Variants in MAMSTR observed in about 807,000 individuals in gnomAD.
The protein encoded by MAMSTR is MEF2-activating motif and SAP domain-containing transcriptional regulator.
Under a neutral mutation model 42.7 loss-of-function variants are expected in MAMSTR, and 41 were observed. That is an observed-to-expected ratio of 0.96 (90% CI 0.75 to 1.25). MAMSTR has a LOEUF of 1.25. MAMSTR is among the 50% of genes most tolerant of loss of function. The pLI is 0.00. For missense variants in MAMSTR, 567 were observed against 557.6 expected (o/e 1.02, Z -0.17); for synonymous variants, 265 against 244.1 (o/e 1.09, Z -0.80).
chr19:48,709,699 C>T (rs1209533176), downstream of MAMSTR, among the ~76,000 whole-genome samples: 6 of 152,164 alleles, frequency 3.9e-5, no homozygotes, highest in Non-Finnish European at 1.5e-5. Flanking sequence ...TGTAAACCAG[C>T]CAATCCAGAG....
rs1402372236 is a variant in MAMSTR at position 48,716,708 on chromosome 19, G to C, written c.94C>G (p.Gln32Glu). 3 of 1,336,726 alleles carry C rather than the reference G, an allele frequency of 2.2e-6. No homozygotes were observed. Among genetic ancestry groups the C allele is most frequent in the African/African-American group, 1.5e-5 (1 of 65,376 alleles). 82.8% of individuals were successfully genotyped at this position (1,336,726 alleles called of 1,614,324 possible). A position where few individuals can be genotyped will look rare whatever the true frequency, so the allele number is the denominator to read the frequency against. ...CCCTTTTGGGGCCCATACTTACTCTGCTCCTGATTCCGTCTGTGGATCCGA... is the reference window on the plus strand; with the variant it reads ...CCCTTTTGGGGCCCATACTTACTCTCCTCCTGATTCCGTCTGTGGATCCGA... ...QLRIHRRNQE[Q>E]ISDPDPWISA... is the part of the protein sequence containing the mutation. The change falls in exon 3 of 10, where the codon CAG becomes GAG. Residue 32 changes from glutamine to glutamate, a missense_variant. By Grantham distance (29) the Gln-to-Glu change is conservative. Transcript: ENST00000318083.
chr19:48,713,160 A>G lies in MAMSTR; in HGVS notation c.*107T>C. 1.7e-6 allele frequency: 2 copies of G among 1,144,088 alleles called. No homozygotes were observed. Among genetic ancestry groups the G allele is most frequent in the South Asian group, 3.5e-5 (2 of 57,702 alleles). The allele number at this position is 1,144,088 out of a possible 1,614,324, so 70.9% of individuals were successfully genotyped here. A position where few individuals can be genotyped will look rare whatever the true frequency, so the allele number is the denominator to read the frequency against. ...CAGGTGGGGTTGGAGGTTGTCTCCG[A>G]TCCTGTGTCTGCGGTAGGAGGGGCT... On this transcript the variant is annotated 3_prime_UTR_variant, in exon 10 of 10. Transcript: ENST00000318083.
chr19:48,714,377 G>T lies in MAMSTR; in HGVS notation c.712C>A (p.Arg238Ser). The change falls in exon 7 of 10, where the codon CGT becomes AGT. Residue 238 changes from arginine (R) to serine (S), a missense_variant. Coordinates refer to ENST00000318083, the MANE Select transcript of MAMSTR (RefSeq NM_001130915.2). ...LKPKALAAAR[R>S]QGSVKPSAAS... ...AGCCCCGCCCTCACCGAGCCCTGACGCCGGGCGGCTGCCAGGGCCTTGGGC... is the reference window on the plus strand; with the variant it reads ...AGCCCCGCCCTCACCGAGCCCTGACTCCGGGCGGCTGCCAGGGCCTTGGGC... 1 of 1,364,868 alleles carries T rather than the reference G, an allele frequency of 7.3e-7. No homozygotes were observed. 84.5% of individuals were successfully genotyped at this position (1,364,868 alleles called of 1,614,324 possible).
chr19:48,715,509 A>G, intron 4 of MAMSTR, 63 bp from the exon 5 acceptor site: 2 of 1,462,674 alleles, frequency 1.4e-6, no homozygotes, highest in Non-Finnish European at 1.8e-6. Flanking sequence ...CCCCAGGACT[A>G]CATGCAAAGT....
downstream of MAMSTR, among the ~76,000 whole-genome samples, chr19:48,710,271 A>ATTT (rs148688671): frequency 3.4e-5 from 5 of 144,944 alleles, no homozygotes; most frequent in Admixed American, 6.9e-5. Flanking sequence ...CACCTGGCTA[A>ATTT]TTATTTTTTT....
intron 3 of MAMSTR, 23 bp downstream of exon 3, chr19:48,716,682 T>C: frequency 7.5e-7 from 1 of 1,332,390 alleles, no homozygotes. Context: ...CACCATCCCC[T>C]CCCTTTTGGG....
downstream of MAMSTR, among the ~76,000 whole-genome samples, chr19:48,708,176 G>T (rs1184561145): frequency 1.3e-5 from 2 of 149,772 alleles, no homozygotes; most frequent in African/African-American, 4.9e-5. Context: ...AGAGGTTGCG[G>T]TGAGCCGAGA....
Position 48,713,414 on chromosome 19 carries a change from C to T in MAMSTR, c.1101G>A (p.Arg367=). The change falls in exon 10 of 10, where the codon AGG becomes AGA. Residue 367 remains arginine (R), a synonymous_variant. Coordinates refer to ENST00000318083, the MANE Select transcript of MAMSTR (RefSeq NM_001130915.2). ...GCCAGTCCAGGGAGTCCGTGGGGTCCCTGGGAGAAGGGGAGGAGGAGTTCG... is the reference window on the plus strand; with the variant it reads ...GCCAGTCCAGGGAGTCCGTGGGGTCTCTGGGAGAAGGGGAGGAGGAGTTCG... ...SPTNSSSPSP[R]DPTDSLDWLE... 6.2e-7 allele frequency: 1 copy of T among 1,613,158 alleles called. No individual in the cohort carries two copies. The highest frequency in any genetic ancestry group is 1.7e-5 in the Admixed American group (1 of 59,794).
intron 2 of MAMSTR, among the ~76,000 whole-genome samples, chr19:48,717,695 C>T (rs543582881): frequency 1.9e-4 from 29 of 151,462 alleles, no homozygotes; most frequent in African/African-American, 4.9e-4. Context: ...CCACCACACC[C>T]GGCTAATTAT....
In MAMSTR at chr19:48,719,041, C is replaced by T. The variant is rs986049015; in HGVS notation, c.-10G>A. 1.3e-6 allele frequency: 2 copies of T among 1,550,932 alleles called. No individual in the cohort carries two copies. Among genetic ancestry groups the T allele is most frequent in the South Asian group, 1.2e-5 (1 of 84,050 alleles). ...AAGCCGCCAGGGTCATTGCCAAGGCCGGGATGGGGACCTGGACGGAGAGGG... is the reference window on the plus strand; with the variant it reads ...AAGCCGCCAGGGTCATTGCCAAGGCTGGGATGGGGACCTGGACGGAGAGGG... On this transcript the variant is annotated 5_prime_UTR_variant, in exon 2 of 10. Coordinates refer to ENST00000318083, the MANE Select transcript of MAMSTR (RefSeq NM_001130915.2). This position sits in a 1 kb window ranked among gnomAD's most constrained non-coding sequence, Gnocchi z 4.4.
chr19:48,716,644 C>T (rs1327954287), intron 3 of MAMSTR, 61 bp downstream of exon 3: 5 of 1,313,584 alleles, frequency 3.8e-6, no homozygotes, highest in Admixed American at 7.5e-5. Context: ...AGCTGTATTC[C>T]AGGATATCCC....
chr19:48,716,005 G>A (rs1368303001), intron 3 of MAMSTR: 2 of 1,289,038 alleles, frequency 1.6e-6, no homozygotes, highest in Non-Finnish European at 2.0e-6. Flanking sequence ...GGTAGCTGAG[G>A]ATCACAGATG....
In MAMSTR at chr19:48,714,427, G is replaced by A. The variant is rs550527832; in HGVS notation, c.662C>T (p.Ala221Val). Residue 221 changes from alanine (A) to valine (V), a missense_variant, in exon 7 of 10, where the codon GCG becomes GTG. By Grantham distance (64) the Ala-to-Val change is moderately conservative. Coordinates refer to ENST00000318083, the MANE Select transcript of MAMSTR (RefSeq NM_001130915.2). ...CTTGAGGCGCGGCCAGGGAGCACCC[G>A]CGGGACTGTCCTCGCGCCGCGGCTT... ...RPKPRREDSPAGAPWPRLKPK... is the reference protein window; with the variant it reads ...RPKPRREDSPVGAPWPRLKPK... The A allele has an allele frequency of 1.1e-4, 148 of 1,388,910 alleles. 1 individual carries two copies. The highest frequency in any genetic ancestry group is 7.7e-4 in the South Asian group (46 of 59,752). The allele number at this position is 1,388,910 out of a possible 1,614,324, so 86.0% of individuals were successfully genotyped here.
Position 48,713,167 on chromosome 19 carries a change from G to T in MAMSTR, c.*100C>A. The T allele has an allele frequency of 8.4e-7, 1 of 1,188,332 alleles. No individual in the cohort carries two copies. The highest frequency in any genetic ancestry group is 1.1e-6 in the Non-Finnish European group (1 of 872,102). 73.6% of individuals were successfully genotyped at this position (1,188,332 alleles called of 1,614,324 possible). A position where few individuals can be genotyped will look rare whatever the true frequency, so the allele number is the denominator to read the frequency against. Reference sequence around the variant, plus strand: ...GGTTGGAGGTTGTCTCCGATCCTGTGTCTGCGGTAGGAGGGGCTCTGCTGG... The same window carrying T: ...GGTTGGAGGTTGTCTCCGATCCTGTTTCTGCGGTAGGAGGGGCTCTGCTGG... On this transcript the variant is annotated 3_prime_UTR_variant, in exon 10 of 10. Transcript: ENST00000318083.
intron 2 of MAMSTR, among the ~76,000 whole-genome samples, chr19:48,717,924 C>T (rs1051518814): frequency 1.3e-5 from 2 of 151,942 alleles, no homozygotes; most frequent in East Asian, 1.9e-4. Flanking sequence ...AGGCTGGTCT[C>T]GAACTCCTGA....
chr19:48,714,481 C>G lies in MAMSTR; in HGVS notation c.608G>C (p.Arg203Pro). 1 of 1,372,652 alleles carries G rather than the reference C, an allele frequency of 7.3e-7. No individual in the cohort carries two copies. Among genetic ancestry groups the G allele is most frequent in the South Asian group, 1.9e-5 (1 of 52,260 alleles). The allele number at this position is 1,372,652 out of a possible 1,614,324, so 85.0% of individuals were successfully genotyped here. A position where few individuals can be genotyped will look rare whatever the true frequency, so the allele number is the denominator to read the frequency against. ...GTKSMLLERM[R>P]GGAPPRERPK... is the part of the protein sequence containing the mutation. The stretch of plus-strand genomic sequence containing the variant: ...CCGCTCGCGGGGCGGCGCGCCGCCG[C>G]GCATGCGCTCCAGGAGCATAGACTT... Residue 203 changes from arginine to proline, a missense_variant, in exon 7 of 10, where the codon CGC becomes CCC. Physicochemically the swap from Arg to Pro is moderately radical, Grantham distance 103 (BLOSUM62 -2). Transcript: ENST00000318083.
intron 3 of MAMSTR, 103 bp from the exon 4 acceptor site, chr19:48,715,870 GC>G: frequency 6.8e-7 from 1 of 1,475,938 alleles, no homozygotes; most frequent in South Asian, 1.4e-5. Flanking sequence ...CGGAGGGCAG[GC>G]CAGGGAGCAA....
At chr19:48,717,696 G>A (rs945252579) in intron 2 of MAMSTR, among the ~76,000 whole-genome samples, 2 of 149,692 alleles carry the variant, frequency 1.3e-5, no homozygotes, top group Admixed American at 6.7e-5. Flanking sequence ...CACCACACCC[G>A]GCTAATTATT....
chr19:48,707,838 GGAAAGAAAGAAAGAAA>G (rs4002470), downstream of MAMSTR, among the ~76,000 whole-genome samples: 72 of 90,994 alleles, frequency 7.9e-4, no homozygotes, highest in South Asian at 2.3e-3. Context: ...AAGAAAGAAA[GGAAAGAAAGAAAGAAA>G]GAAAGAAAGA....
Sources: allele counts gnomAD v4.1 joint callset (sites outside exome capture counted in the v4.1 genomes callset), GRCh38; gene constraint gnomAD v4.1.1; non-coding constraint Gnocchi (gnomAD v3.1); transcripts MANE v1.5; gene names NCBI Gene and HGNC (gene_info 2026-07-23, HGNC 2026-07-21).